The following GATAD2B variants were observed in gnomAD, a reference collection of about 807,000 sequenced individuals.
The protein encoded by GATAD2B is GATA zinc finger domain containing 2B.
GATAD2B carries 8 observed loss-of-function variants against 64.3 expected under a neutral mutation model. The observed-to-expected ratio is 0.12, with a 90% confidence interval of 0.07 to 0.22. GATAD2B has a LOEUF of 0.22. Ranked by LOEUF, GATAD2B falls within the 10% of genes least tolerant of loss-of-function variation. The pLI, the probability that GATAD2B is intolerant of heterozygous loss-of-function variation, is 1.00. For synonymous variants in GATAD2B, 281 were observed against 271.3 expected (o/e 1.04, Z -0.35); for missense variants, 453 against 752.0 (o/e 0.60, Z 4.65).
At chr1:153,889,413 C>CACAAAA (rs1677292084) in intron 1 of GATAD2B, among the ~76,000 whole-genome samples, 1 of 67,908 alleles carries the variant, frequency 1.5e-5, no homozygotes, top group East Asian at 3.9e-4. Flanking sequence ...ACCCCGTCTC[C>CACAAAA]AAAAAAAAAA....
At chr1:153,879,379 A>G (rs1013639548) in intron 1 of GATAD2B, among the ~76,000 whole-genome samples, 3 of 152,052 alleles carry the variant, frequency 2.0e-5, no homozygotes, top group African/African-American at 7.2e-5. Flanking sequence ...TCGGCCCCAT[A>G]CTTTATTCTT....
intron 1 of GATAD2B, among the ~76,000 whole-genome samples, chr1:153,874,835 C>G (rs1345621857): frequency 2.0e-5 from 3 of 151,418 alleles, no homozygotes; most frequent in Non-Finnish European, 4.4e-5. Context: ...CCTTGGCCCC[C>G]CAAAGTGCTG....
rs893510271 is a variant in GATAD2B at position 153,806,027 on chromosome 1, A to G, written c.*4150T>C. On this transcript the variant is annotated 3_prime_UTR_variant, in exon 11 of 11. Transcript: ENST00000368655. ...CCTGACAATCCACCCTCAAAGGCCCATAAGACTAGGTTCTTTCTTTTTTGA... is the reference window on the plus strand; with the variant it reads ...CCTGACAATCCACCCTCAAAGGCCCGTAAGACTAGGTTCTTTCTTTTTTGA... 1 of 152,214 alleles carries G rather than the reference A, an allele frequency of 6.6e-6. No homozygotes were observed. The highest frequency in any genetic ancestry group is 1.9e-4 in the East Asian group (1 of 5,200). 9.4% of individuals were successfully genotyped at this position (152,214 alleles called of 1,614,324 possible).
At chr1:153,811,042 G>A (rs1365127420) in intron 10 of GATAD2B, among the ~76,000 whole-genome samples, 1 of 152,212 alleles carries the variant, frequency 6.6e-6, no homozygotes, top group Non-Finnish European at 1.5e-5. Context: ...TGGGATTATA[G>A]GCATGAGCCA....
chr1:153,831,411 G>T (rs1486382358), intron 1 of GATAD2B, among the ~76,000 whole-genome samples: 1 of 151,952 alleles, frequency 6.6e-6, no homozygotes, highest in East Asian at 1.9e-4. Context: ...CTAGATGACG[G>T]GTTGATAGCT....
chr1:153,877,560 C>T (rs1676875598), intron 1 of GATAD2B, among the ~76,000 whole-genome samples: 1 of 151,836 alleles, frequency 6.6e-6, no homozygotes, highest in African/African-American at 2.4e-5. Context: ...TAATCTGGCT[C>T]CTAACATCAA....
chr1:153,896,983 T>TA (rs1677614742), intron 1 of GATAD2B, among the ~76,000 whole-genome samples: 1 of 151,860 alleles, frequency 6.6e-6, no homozygotes, highest in Non-Finnish European at 1.5e-5. Flanking sequence ...TCCAGTTAAT[T>TA]AAAAAATACT....
At chr1:153,847,389 G>A (rs1675725605) in intron 1 of GATAD2B, among the ~76,000 whole-genome samples, 1 of 152,052 alleles carries the variant, frequency 6.6e-6, no homozygotes, top group South Asian at 2.1e-4. Flanking sequence ...AAGTAAAAAA[G>A]ACCACATCTT....
chr1:153,896,302 AAAG>A (rs1235860927), intron 1 of GATAD2B, among the ~76,000 whole-genome samples: 2 of 152,302 alleles, frequency 1.3e-5, no homozygotes, highest in South Asian at 2.1e-4. Flanking sequence ...AGCACCACTC[AAAG>A]AAGAACTGGA....
intron 1 of GATAD2B, among the ~76,000 whole-genome samples, chr1:153,863,513 A>C (rs1192291606): frequency 1.3e-5 from 1 of 76,734 alleles, no homozygotes; most frequent in African/African-American, 3.7e-5. Flanking sequence ...AAGAAATAAG[A>C]AAAAAAAAAA....
intron 1 of GATAD2B, among the ~76,000 whole-genome samples, chr1:153,841,571 C>A (rs1220278503): frequency 2.6e-5 from 4 of 152,136 alleles, no homozygotes; most frequent in Non-Finnish European, 5.9e-5. Context: ...TTAGGACTGG[C>A]CTTTTTCACT....
chr1:153,824,939 AG>A (rs2101888607), intron 2 of GATAD2B, among the ~76,000 whole-genome samples: 1 of 152,148 alleles, frequency 6.6e-6, no homozygotes, highest in East Asian at 1.9e-4. Context: ...CAAAACAATT[AG>A]CTGGGTACAG....
intron 1 of GATAD2B, among the ~76,000 whole-genome samples, chr1:153,892,992 C>A (rs778212693): frequency 1.3e-5 from 2 of 152,028 alleles, no homozygotes; most frequent in Non-Finnish European, 2.9e-5. Flanking sequence ...TGCGCCCGGC[C>A]AAGAAATCTT....
chr1:153,917,394 CAT>C (rs1386108244), intron 1 of GATAD2B, among the ~76,000 whole-genome samples: 5 of 145,084 alleles, frequency 3.4e-5, no homozygotes, highest in Non-Finnish European at 6.0e-5. Context: ...CCATGCCCCA[CAT>C]ATCTTTTTTT....
At chr1:153,853,112 TG>T (rs1675964058) in intron 1 of GATAD2B, 5 of 1,469,378 alleles carry the variant, frequency 3.4e-6, no homozygotes, top group African/African-American at 1.4e-5. Flanking sequence ...CCTGAGTTGA[TG>T]GCTGATTCAG....
At chr1:153,879,474 A>C (rs1676942019) in intron 1 of GATAD2B, among the ~76,000 whole-genome samples, 1 of 152,190 alleles carries the variant, frequency 6.6e-6, no homozygotes, top group African/African-American at 2.4e-5. Flanking sequence ...ATTTAAGAAA[A>C]GACATCAGGC....
chr1:153,870,517 G>A (rs1433662037), intron 1 of GATAD2B, among the ~76,000 whole-genome samples: 1 of 152,108 alleles, frequency 6.6e-6, no homozygotes, highest in Admixed American at 6.6e-5. Context: ...AGCTTGCAGT[G>A]AGCAGAGATC....
chr1:153,908,781 GGAAAAAAAAAA>G (rs1343921455), intron 1 of GATAD2B, among the ~76,000 whole-genome samples: 6 of 29,180 alleles, frequency 2.1e-4, no homozygotes, highest in Non-Finnish European at 2.7e-4. Context: ...AAACATACTT[GGAAAAAAAAAA>G]AAAAAAAAAA....
chr1:153,820,974 A>AT lies in GATAD2B; in HGVS notation c.336-1240dup, dbSNP rs869096882. Among the ~76,000 whole-genome samples, 41 of 50,870 alleles carry AT rather than the reference A, an allele frequency of 8.1e-4. 2 individuals carry two copies. The highest frequency in any genetic ancestry group is 2.5e-3 in the African/African-American group (29 of 11,562). The allele number at this position is 50,870 out of a possible 152,430, so 33.4% of individuals were successfully genotyped here. Reference sequence around the variant, plus strand: ...GTCCTAGTTGCTGTTGGCACATGGAATTTTTTTTTTTTTTTTTTTTTTTTT... The same window carrying AT: ...GTCCTAGTTGCTGTTGGCACATGGAATTTTTTTTTTTTTTTTTTTTTTTTTT... On this transcript the variant is annotated intron_variant, in intron 2 of 10. Transcript: ENST00000368655.
Sources: gnomAD v4.1 joint callset for allele counts (sites outside exome capture counted in the v4.1 genomes callset) on GRCh38, gnomAD v4.1.1 for gene constraint, MANE v1.5 for transcripts, NCBI Gene and HGNC (gene_info 2026-07-23, HGNC 2026-07-21) for gene names.